Variants in PPFIA2 observed in about 807,000 individuals in gnomAD.
PPFIA2 encodes liprin-alpha-2.
Under a neutral mutation model 175.5 loss-of-function variants are expected in PPFIA2, and 46 were observed. The observed-to-expected ratio is 0.26, with a 90% CI of 0.21 to 0.34. The LOEUF (loss-of-function observed/expected upper bound fraction) is 0.34. Among genes scored for constraint, PPFIA2 ranks in the 10% least tolerant of loss-of-function variants. PPFIA2 has a pLI of 1.00. For missense variants in PPFIA2, 1,179 were observed against 1,506.1 expected (o/e 0.78, Z 3.60); for synonymous variants, 568 against 511.4 (o/e 1.11, Z -1.49).
chr12:81,570,542 T>A (rs1315119951), intron 4 of PPFIA2, among the ~76,000 whole-genome samples: 1 of 152,102 alleles, frequency 6.6e-6, no homozygotes, highest in Admixed American at 6.6e-5. Context: ...ATCTATTGTG[T>A]GTCTTTTAAG....
At chr12:81,305,734 G>T (rs2048981639) in intron 22 of PPFIA2, among the ~76,000 whole-genome samples, 2 of 152,144 alleles carry the variant, frequency 1.3e-5, no homozygotes, top group Non-Finnish European at 2.9e-5. Flanking sequence ...CTGCAGGCAT[G>T]AGCCATGTCT....
intron 4 of PPFIA2, among the ~76,000 whole-genome samples, chr12:81,516,962 A>T (rs1266700284): frequency 6.6e-6 from 1 of 152,184 alleles, no homozygotes; most frequent in Non-Finnish European, 1.5e-5. Context: ...TTCATGAAAG[A>T]TGTTGATAAT....
chr12:81,344,740 TAAC>T, intron 18 of PPFIA2, 47 bp from the exon 19 acceptor site: 2 of 1,395,538 alleles, frequency 1.4e-6, no homozygotes, highest in African/African-American at 1.4e-5. Context: ...AATTAAGAAT[TAAC>T]AATCATTTGA....
Position 81,754,062 on chromosome 12 carries a change from C to T in PPFIA2, c.160G>A (p.Glu54Lys). The T allele has an allele frequency of 1.2e-6, 2 of 1,613,810 alleles. No homozygotes were observed. The highest frequency in any genetic ancestry group is 1.7e-6 in the Non-Finnish European group (2 of 1,179,848). ...RLLDTLRETQ[E>K]SLSLAQQRLQ... ...CTTTGCTGGGCAAGTGAGAGGCTTT[C>T]CTGGGTCTCCCGAAGGGTGTCTAGA... The change falls in exon 3 of 33, where the codon GAA (glutamate) becomes AAA (lysine). Residue 54 changes from glutamate (E) to lysine (K), a missense_variant. Transcript: ENST00000549396.
At chr12:81,700,784 G>T (rs578246815) in intron 3 of PPFIA2, among the ~76,000 whole-genome samples, 29 of 151,932 alleles carry the variant, frequency 1.9e-4, no homozygotes, top group Non-Finnish European at 3.7e-4. Flanking sequence ...AACTAACATC[G>T]GTTGGATATA....
chr12:81,289,783 A>G (rs10862281), intron 24 of PPFIA2, among the ~76,000 whole-genome samples: 137,143 of 151,870 alleles, frequency 0.9, 63,295 homozygotes, highest in Non-Finnish European at 0.99. Flanking sequence ...CAATTCTTTA[A>G]CATTTCTGTA....
chr12:81,421,144 A>C (rs899298924), intron 7 of PPFIA2, among the ~76,000 whole-genome samples: 1 of 152,272 alleles, frequency 6.6e-6, no homozygotes, highest in Admixed American at 6.5e-5. Flanking sequence ...TCAACTATAG[A>C]CCTGCCTTAA....
rs892287287 is a variant in PPFIA2, at chr12:81,708,734, C to G, written c.250-31890G>C. On this transcript the variant is annotated intron_variant, in intron 3 of 32. Transcript: ENST00000549396. ...ATTACACTGTAATAGCATTCTTTAC[C>G]TAATAACAAATCAGGCCACAAATAC... Among the ~76,000 whole-genome samples the G allele has an allele frequency of 1.3e-5, 2 of 152,150 alleles. 1 individual carries two copies. Among genetic ancestry groups the G allele is most frequent in the Admixed American group, 1.3e-4 (2 of 15,272 alleles).
intron 3 of PPFIA2, among the ~76,000 whole-genome samples, chr12:81,743,274 G>A (rs548104751): frequency 2.0e-5 from 3 of 151,860 alleles, no homozygotes; most frequent in Admixed American, 1.3e-4. Flanking sequence ...AAAATTAGCT[G>A]GGCATGGTGG....
Position 81,367,121 on chromosome 12 carries a change from G to C in PPFIA2, c.1532C>G (p.Ser511Cys), listed in dbSNP as rs1430202256. Reference protein sequence around the residue: ...SETFRKNLEESLHDKERLAEE... With the variant: ...SETFRKNLEECLHDKERLAEE... ...TTTCCATTATACCTTATCATGTAAA[G>C]ATTCTTCAAGATTCTTTCTGAAAGT... Residue 511 changes from serine (S) to cysteine (C), a missense_variant, in exon 14 of 33, where the codon TCT becomes TGT. Physicochemically the swap from Ser to Cys is moderately radical, Grantham distance 112 (BLOSUM62 -1). This residue lies in a region of PPFIA2 where 186 missense variants were observed against 163.6 expected (regional missense o/e 1.14). Coordinates refer to ENST00000549396, the MANE Select transcript of PPFIA2 (RefSeq NM_003625.5). 4 of 1,439,386 alleles carry C rather than the reference G, an allele frequency of 2.8e-6. No individual in the cohort carries two copies. The highest frequency in any genetic ancestry group is 1.5e-5 in the African/African-American group (1 of 68,520). The allele number at this position is 1,439,386 out of a possible 1,614,324, so 89.2% of individuals were successfully genotyped here.
chr12:81,323,104 T>C (rs2054026512), intron 22 of PPFIA2, among the ~76,000 whole-genome samples: 1 of 152,142 alleles, frequency 6.6e-6, no homozygotes, highest in Non-Finnish European at 1.5e-5. Context: ...CTCCCCCATA[T>C]GGCTTTTTAA....
At chr12:81,731,527 C>T (rs1245735291) in intron 3 of PPFIA2, among the ~76,000 whole-genome samples, 1 of 151,648 alleles carries the variant, frequency 6.6e-6, no homozygotes, top group Non-Finnish European at 1.5e-5. Flanking sequence ...AAGAGCCTTA[C>T]TGTGCTTATA....
intron 4 of PPFIA2, among the ~76,000 whole-genome samples, chr12:81,554,614 T>A (rs1273781014): frequency 6.6e-6 from 1 of 152,036 alleles, no homozygotes; most frequent in East Asian, 1.9e-4. Flanking sequence ...AATCTTCTGA[T>A]CAGATATTTG....
intron 19 of PPFIA2, among the ~76,000 whole-genome samples, chr12:81,343,276 G>A (rs983688259): frequency 1.3e-5 from 2 of 151,938 alleles, no homozygotes; most frequent in African/African-American, 4.8e-5. Context: ...AATTATTTGA[G>A]ACTACATTTT....
chr12:81,516,120 C>CT (rs2062405166), intron 4 of PPFIA2, among the ~76,000 whole-genome samples: 1 of 151,956 alleles, frequency 6.6e-6, no homozygotes, highest in Non-Finnish European at 1.5e-5. Context: ...AGTGGAAAAG[C>CT]ATATTGGATT....
intron 2 of PPFIA2, among the ~76,000 whole-genome samples, chr12:81,756,850 T>G (rs2084754512): frequency 1.3e-5 from 2 of 152,164 alleles, no homozygotes; most frequent in Admixed American, 6.5e-5. Context: ...TTAATTCTAG[T>G]AGATACTTTT....
At chr12:81,702,970 T>A (rs562965459) in intron 3 of PPFIA2, among the ~76,000 whole-genome samples, 1 of 152,072 alleles carries the variant, frequency 6.6e-6, no homozygotes, top group Non-Finnish European at 1.5e-5. Context: ...ATCTTGGACT[T>A]CCCAGCCTCT....
At chr12:81,265,084 G>A (rs1436758378) in intron 30 of PPFIA2, among the ~76,000 whole-genome samples, 3 of 150,716 alleles carry the variant, frequency 2.0e-5, no homozygotes, top group Non-Finnish European at 4.5e-5. Flanking sequence ...CCTGAGGTCA[G>A]GAGTTCCAGA....
chr12:81,581,270 C>A, intron 4 of PPFIA2, among the ~76,000 whole-genome samples: 1 of 151,272 alleles, frequency 6.6e-6, no homozygotes, highest in East Asian at 2.0e-4. Flanking sequence ...AGGCACAAGA[C>A]CAGCAGATCA....
Sources: gnomAD v4.1 joint callset for allele counts (sites outside exome capture counted in the v4.1 genomes callset) on GRCh38, gnomAD v4.1.1 for gene constraint, gnomAD v4.1.1 regional missense constraint, MANE v1.5 for transcripts, NCBI Gene and HGNC (gene_info 2026-07-23, HGNC 2026-07-21) for gene names.